The following NOL4 variants were observed in gnomAD, a reference collection of about 807,000 sequenced individuals.
NOL4 encodes nucleolar protein 4.
A neutral mutation model predicts 75.9 loss-of-function variants in NOL4; 17 were observed. That is an observed-to-expected ratio of 0.22 (90% CI 0.15 to 0.34). The LOEUF (loss-of-function observed/expected upper bound fraction) is 0.34. Among genes scored for constraint, NOL4 ranks in the 10% least tolerant of loss-of-function variants. The pLI, the probability that NOL4 is intolerant of heterozygous loss-of-function variation, is 1.00. For missense variants in NOL4, 614 were observed against 793.5 expected (o/e 0.77, Z 2.72); for synonymous variants, 292 against 289.9 (o/e 1.01, Z -0.07).
chr18:33,885,303 G>A (rs964191504), intron 9 of NOL4, among the ~76,000 whole-genome samples: 10 of 152,048 alleles, frequency 6.6e-5, no homozygotes, highest in African/African-American at 2.4e-4. Context: ...CACAGGCAAC[G>A]AAGGCAAAAA....
intron 2 of NOL4, 37 bp downstream of exon 2, chr18:34,129,834 G>T: frequency 1.3e-6 from 2 of 1,510,468 alleles, no homozygotes; most frequent in Admixed American, 2.2e-5. Flanking sequence ...ATCAAGTCTC[G>T]AAATGCATGC....
At chr18:34,071,442 C>T (rs867456088) in intron 5 of NOL4, among the ~76,000 whole-genome samples, 9 of 148,778 alleles carry the variant, frequency 6.0e-5, no homozygotes, top group Non-Finnish European at 1.2e-4. Context: ...CAGACAGACA[C>T]ACACACACAC....
At chr18:33,944,176 C>T (rs78243434) in intron 8 of NOL4, among the ~76,000 whole-genome samples, 1 of 151,790 alleles carries the variant, frequency 6.6e-6, no homozygotes, top group South Asian at 2.1e-4. Context: ...TTAGGGTTTT[C>T]AAAGCCTCAA....
chr18:33,884,675 G>GA (rs2064527704), intron 9 of NOL4, among the ~76,000 whole-genome samples: 1 of 151,764 alleles, frequency 6.6e-6, no homozygotes, highest in African/African-American at 2.4e-5. Flanking sequence ...GAATTCTTAG[G>GA]AGAGTTTTTT....
chr18:34,017,239 T>C (rs1405708758), intron 6 of NOL4, among the ~76,000 whole-genome samples: 1 of 152,166 alleles, frequency 6.6e-6, no homozygotes, highest in Non-Finnish European at 1.5e-5. Context: ...TAAGAAACTT[T>C]TCTATGTATG....
At chr18:34,022,406 T>C (rs1307289690) in intron 5 of NOL4, among the ~76,000 whole-genome samples, 1 of 152,024 alleles carries the variant, frequency 6.6e-6, no homozygotes, top group Non-Finnish European at 1.5e-5. Context: ...GTACTTTCCA[T>C]AGGTATTAAT....
chr18:33,955,204 T>A (rs1003046503), intron 8 of NOL4, among the ~76,000 whole-genome samples: 18 of 152,136 alleles, frequency 1.2e-4, no homozygotes, highest in Non-Finnish European at 7.4e-5. Context: ...ATTTTTGATA[T>A]AATTTTCAGT....
chr18:34,186,571 G>A (rs1456538881), intron 1 of NOL4, among the ~76,000 whole-genome samples: 2 of 151,928 alleles, frequency 1.3e-5, no homozygotes, highest in African/African-American at 2.4e-5. Flanking sequence ...TCTGCTTTTC[G>A]GTCCAATGAA....
At chr18:34,152,738 A>G (rs2081705408) in intron 1 of NOL4, among the ~76,000 whole-genome samples, 1 of 151,844 alleles carries the variant, frequency 6.6e-6, no homozygotes, top group Non-Finnish European at 1.5e-5. Context: ...AGATTTATAT[A>G]ATCAGAAAAA....
At chr18:33,866,319 T>C (rs1396597753) in intron 10 of NOL4, among the ~76,000 whole-genome samples, 1 of 152,176 alleles carries the variant, frequency 6.6e-6, no homozygotes. Context: ...AATTAAAACA[T>C]TTTAAAATCT....
In NOL4 at chr18:34,120,188, C is replaced by T. The variant is rs989460848; in HGVS notation, c.414+9683G>A. Among the ~76,000 whole-genome samples the T allele has an allele frequency of 3.3e-5, 5 of 151,922 alleles. No individual in the cohort carries two copies. In the East Asian group the frequency reaches 5.8e-4, roughly 18 times the overall value. On this transcript the variant is annotated intron_variant, in intron 2 of 10. Coordinates refer to ENST00000261592, the MANE Select transcript of NOL4 (RefSeq NM_003787.5). ...TATGTCAGGAAAATCTAAGGATATA[C>T]CAAAAGCAGAAGTGATAGGGTAGGT...
chr18:34,153,749 A>C (rs917454477), intron 1 of NOL4, among the ~76,000 whole-genome samples: 3 of 152,018 alleles, frequency 2.0e-5, no homozygotes, highest in African/African-American at 7.2e-5. Flanking sequence ...GAACCTCAAA[A>C]TATTATAGCT....
At chr18:33,970,759 A>ATG (rs2070991216) in intron 6 of NOL4, among the ~76,000 whole-genome samples, 1 of 149,820 alleles carries the variant, frequency 6.7e-6, no homozygotes, top group Non-Finnish European at 1.5e-5. Context: ...GTGTATGTGT[A>ATG]TGTGTGTGTC....
intron 10 of NOL4, among the ~76,000 whole-genome samples, chr18:33,876,437 A>G (rs2144574928): frequency 6.6e-6 from 1 of 152,132 alleles, no homozygotes; most frequent in Admixed American, 6.6e-5. Flanking sequence ...TCCCTTCCAC[A>G]CATTTCAGAT....
At chr18:33,946,341 A>G (rs1210119264) in intron 8 of NOL4, among the ~76,000 whole-genome samples, 2 of 151,682 alleles carry the variant, frequency 1.3e-5, no homozygotes, top group African/African-American at 4.8e-5. Flanking sequence ...AGGTATTAAT[A>G]CCAAAAGCTT....
intron 1 of NOL4, among the ~76,000 whole-genome samples, chr18:34,149,093 G>T (rs999692405): frequency 2.6e-5 from 4 of 151,562 alleles, no homozygotes; most frequent in African/African-American, 9.7e-5. Context: ...ACATCTTCCT[G>T]CATTTTCCCT....
intron 8 of NOL4, among the ~76,000 whole-genome samples, chr18:33,953,564 C>A (rs1203102957): frequency 1.3e-5 from 2 of 151,978 alleles, no homozygotes; most frequent in African/African-American, 4.8e-5. Flanking sequence ...ATACAAGACA[C>A]AAAAATAGTC....
chr18:33,861,210 T>C (rs2144268035), intron 10 of NOL4, among the ~76,000 whole-genome samples: 1 of 152,326 alleles, frequency 6.6e-6, no homozygotes, highest in East Asian at 1.9e-4. Flanking sequence ...GAAGGAATGG[T>C]ACCAGTTCCT....
chr18:33,915,439 G>A (rs1039754630), intron 9 of NOL4, among the ~76,000 whole-genome samples: 8 of 152,006 alleles, frequency 5.3e-5, no homozygotes. Flanking sequence ...TTTTGGTTGT[G>A]GTAGGAGAAT....
Sources: gnomAD v4.1 joint callset for allele counts (sites outside exome capture counted in the v4.1 genomes callset) on GRCh38, gnomAD v4.1.1 for gene constraint, MANE v1.5 for transcripts, NCBI Gene and HGNC (gene_info 2026-07-23, HGNC 2026-07-21) for gene names.